EML6: variants seen among roughly 807,000 people sequenced by gnomAD.
The protein encoded by EML6 is echinoderm microtubule-associated protein-like 6.
Under a neutral mutation model 240.1 loss-of-function variants are expected in EML6, and 154 were observed. The ratio of observed to expected loss-of-function variants is 0.64; its 90% confidence interval spans 0.56 to 0.73. The LOEUF is 0.73. Ranked by LOEUF, EML6 falls within the 30% of genes least tolerant of loss-of-function variation. EML6 has a pLI of 0.00. For synonymous variants in EML6, 1,148 were observed against 899.0 expected (o/e 1.28, Z -4.95); for missense variants, 2,964 against 2,474.6 (o/e 1.20, Z -4.20).
chr2:54,897,959 G>A (rs1174384325), intron 21 of EML6, among the ~76,000 whole-genome samples: 3 of 152,238 alleles, frequency 2.0e-5, no homozygotes, highest in East Asian at 1.9e-4. Context: ...CTGTCCTGCC[G>A]GAAGAAGATT....
chr2:54,778,783 T>G (rs1010422241), intron 2 of EML6, among the ~76,000 whole-genome samples: 3 of 150,360 alleles, frequency 2.0e-5, no homozygotes, highest in African/African-American at 7.4e-5. Flanking sequence ...TCCCAGCTAC[T>G]CGGGAGGCTG....
At chr2:54,743,161 A>G (rs1274843659) in intron 2 of EML6, among the ~76,000 whole-genome samples, 1 of 152,250 alleles carries the variant, frequency 6.6e-6, no homozygotes, top group Non-Finnish European at 1.5e-5. Context: ...AGCTCAGGGT[A>G]CAAGGTGGGA....
chr2:54,797,731 T>G (rs1422618129), intron 2 of EML6, among the ~76,000 whole-genome samples: 1 of 152,132 alleles, frequency 6.6e-6, no homozygotes, highest in Admixed American at 6.5e-5. Context: ...GTGTAGAGGT[T>G]ATAAGCACCA....
intron 26 of EML6, among the ~76,000 whole-genome samples, chr2:54,921,940 G>T (rs4671994): frequency 0.16 from 23,792 of 152,114 alleles, 2,131 homozygotes; most frequent in South Asian, 0.35. Flanking sequence ...GTGGATTAAA[G>T]ACTTAAATGT....
rs1259189957 is a variant in EML6, at chr2:54,937,110, T to A, written c.4004+8359T>A. Among the ~76,000 whole-genome samples the A allele has an allele frequency of 2.0e-5, 3 of 151,520 alleles. No homozygotes were observed. In the East Asian group the frequency reaches 5.8e-4, roughly 29 times the overall value. On this transcript the variant is annotated intron_variant, in intron 28 of 41. Transcript: ENST00000356458. ...GCCTGACCAACGTGGAAAAACCCCATCTCTACTAAACATATAAAATTAGCT... is the reference window on the plus strand; with the variant it reads ...GCCTGACCAACGTGGAAAAACCCCAACTCTACTAAACATATAAAATTAGCT...
chr2:54,830,795 A>T (rs964798649), intron 7 of EML6, among the ~76,000 whole-genome samples: 8 of 152,216 alleles, frequency 5.3e-5, no homozygotes, highest in Admixed American at 2.0e-4. Flanking sequence ...CAGCTGCTTT[A>T]TGTATCTGTG....
At chr2:54,913,726 T>C (rs1673762204) in intron 25 of EML6, among the ~76,000 whole-genome samples, 1 of 152,226 alleles carries the variant, frequency 6.6e-6, no homozygotes, top group African/African-American at 2.4e-5. Flanking sequence ...TCATAAATTC[T>C]TTCCCAAGGC....
At chr2:54,801,049 A>C (rs1205318815) in intron 2 of EML6, among the ~76,000 whole-genome samples, 6 of 152,106 alleles carry the variant, frequency 3.9e-5, no homozygotes, top group Non-Finnish European at 8.8e-5. Context: ...GGCCGGGTGC[A>C]GTGGCTCACC....
intron 28 of EML6, among the ~76,000 whole-genome samples, chr2:54,932,612 C>T (rs1224826341): frequency 6.6e-6 from 1 of 152,094 alleles, no homozygotes; most frequent in East Asian, 1.9e-4. Context: ...TTAATTGATA[C>T]TTTAAATATC....
chr2:54,969,526 C>T (rs1263141067), intron 41 of EML6, among the ~76,000 whole-genome samples: 2 of 152,234 alleles, frequency 1.3e-5, no homozygotes, highest in African/African-American at 4.8e-5. Flanking sequence ...CAGCAGCTCC[C>T]TGTGAAGTGC....
chr2:54,776,035 T>C (rs564710351), intron 2 of EML6, among the ~76,000 whole-genome samples: 1 of 152,318 alleles, frequency 6.6e-6, no homozygotes, highest in Admixed American at 6.5e-5. Flanking sequence ...TGGTTTTCTG[T>C]AGCTTTATGA....
At chr2:54,886,616 T>C (rs1219501791) in intron 17 of EML6, among the ~76,000 whole-genome samples, 1 of 152,194 alleles carries the variant, frequency 6.6e-6, no homozygotes, top group East Asian at 1.9e-4. Context: ...ACACTTGTTA[T>C]TGTCTGTCAT....
rs1177468284 is a variant in EML6, at chr2:54,958,008, A to G, written c.4695+10A>G. The G allele has an allele frequency of 1.3e-6, 2 of 1,544,842 alleles. No homozygotes were observed. The highest frequency in any genetic ancestry group is 2.5e-5 in the East Asian group (1 of 40,796). Reference sequence around the variant, plus strand: ...CGTGGCCTTCGGTGCTGTGAGTTCTAGCAGATACTCCCTGAGAAGGGGACC... The same window carrying G: ...CGTGGCCTTCGGTGCTGTGAGTTCTGGCAGATACTCCCTGAGAAGGGGACC... On this transcript the variant is annotated intron_variant, in intron 33 of 41. Coordinates refer to ENST00000356458, the MANE Select transcript of EML6 (RefSeq NM_001039753.4).
chr2:54,948,893 G>C lies in EML6; in HGVS notation c.4016G>C (p.Ser1339Thr). The change falls in exon 29 of 42, where the codon AGC becomes ACC. Residue 1339 changes from serine (S) to threonine (T), a missense_variant. Ser to Thr is a moderately conservative substitution (Grantham distance 58). Coordinates refer to ENST00000356458, the MANE Select transcript of EML6 (RefSeq NM_001039753.4). ...EVSVEERPPV[S>T]RAAPQPEKLQ... Reference sequence around the variant, plus strand: ...GCTCTCTCTTCCAGACCACCCGTTAGCCGAGCAGCTCCCCAGCCTGAGAAA... The same window carrying C: ...GCTCTCTCTTCCAGACCACCCGTTACCCGAGCAGCTCCCCAGCCTGAGAAA... 6.4e-7 allele frequency: 1 copy of C among 1,551,452 alleles called. No homozygotes were observed. Among genetic ancestry groups the C allele is most frequent in the African/African-American group, 1.4e-5 (1 of 73,172 alleles).
rs1040440394 is a variant in EML6 at position 54,957,881 on chromosome 2, G to C, written c.4578G>C (p.Gly1526=). The change falls in exon 33 of 42, where the codon GGG becomes GGC. Residue 1526 remains glycine (G), a synonymous_variant. Coordinates refer to ENST00000356458, the MANE Select transcript of EML6 (RefSeq NM_001039753.4). The part of the protein sequence containing the change: ...PDSDTQFVSV[G]VKHMKFWTLA... ...CAGACACGCAGTTTGTATCTGTCGGGGTCAAACATATGAAGTTCTGGACCC... is the reference window on the plus strand; with the variant it reads ...CAGACACGCAGTTTGTATCTGTCGGCGTCAAACATATGAAGTTCTGGACCC... 6.4e-7 allele frequency: 1 copy of C among 1,551,474 alleles called. No homozygotes were observed. Among genetic ancestry groups the C allele is most frequent in the Admixed American group, 2.0e-5 (1 of 51,000 alleles).
intron 26 of EML6, among the ~76,000 whole-genome samples, chr2:54,922,467 CATT>C (rs749278141): frequency 1.3e-5 from 2 of 152,106 alleles, no homozygotes; most frequent in Non-Finnish European, 2.9e-5. Flanking sequence ...TTGGTGCAGT[CATT>C]ATGGAAAACG....
chr2:54,869,391 G>A (rs1671139118), intron 15 of EML6, 24 bp downstream of exon 15: 1 of 1,476,392 alleles, frequency 6.8e-7, no homozygotes, highest in Non-Finnish European at 9.1e-7. Context: ...GTAAACTAGG[G>A]CCTAGCCAAA....
intron 2 of EML6, among the ~76,000 whole-genome samples, chr2:54,796,824 T>G (rs1239813059): frequency 6.6e-6 from 1 of 152,070 alleles, no homozygotes. Context: ...TATAGAGGGT[T>G]AAGTGCAGGA....
intron 2 of EML6, among the ~76,000 whole-genome samples, chr2:54,802,488 A>G (rs1437526409): frequency 6.6e-6 from 1 of 151,940 alleles, no homozygotes; most frequent in Non-Finnish European, 1.5e-5. Context: ...TTAGCCAGAC[A>G]TAGTGGCATG....
Sources: gnomAD v4.1 joint callset for allele counts (sites outside exome capture counted in the v4.1 genomes callset) on GRCh38, gnomAD v4.1.1 for gene constraint, MANE v1.5 for transcripts, NCBI Gene and HGNC (gene_info 2026-07-23, HGNC 2026-07-21) for gene names.